The following CHCHD6 variants were observed in gnomAD, a reference collection of about 807,000 sequenced individuals.
CHCHD6 encodes the protein MICOS complex subunit MIC25.
CHCHD6 carries 28 observed loss-of-function variants against 32.3 expected under a neutral mutation model. That is an observed-to-expected ratio of 0.87 (90% CI 0.64 to 1.19). CHCHD6 has a LOEUF of 1.19. CHCHD6 is among the 50% of genes most tolerant of loss of function. The probability of loss-of-function intolerance (pLI) is 0.00; values close to 1 mark genes in which losing one functional copy is unlikely to be tolerated. For synonymous variants in CHCHD6, 122 were observed against 117.5 expected (o/e 1.04, Z -0.25); for missense variants, 333 against 307.0 (o/e 1.08, Z -0.63).
intron 1 of CHCHD6, among the ~76,000 whole-genome samples, chr3:126,715,351 T>C (rs1382548141): frequency 6.6e-6 from 1 of 152,190 alleles, no homozygotes; most frequent in Non-Finnish European, 1.5e-5. Flanking sequence ...TGCCCTTACC[T>C]GGAGCCTGGC....
intron 5 of CHCHD6, among the ~76,000 whole-genome samples, chr3:126,912,305 AGTT>A (rs1218464513): frequency 6.6e-6 from 1 of 152,044 alleles, no homozygotes; most frequent in Non-Finnish European, 1.5e-5. Context: ...GGAGGCCCAA[AGTT>A]GTTATGTCTC....
intron 6 of CHCHD6, among the ~76,000 whole-genome samples, chr3:126,950,803 ATGTGAAGGAGAGGG>A (rs919555517): frequency 1.6e-4 from 25 of 152,318 alleles, no homozygotes; most frequent in African/African-American, 6.0e-4. Context: ...AATGGCTATG[ATGTGAAGGAGAGGG>A]TGTTCAGAAG....
At chr3:126,777,407 T>C (rs1937702401) in intron 4 of CHCHD6, among the ~76,000 whole-genome samples, 1 of 152,214 alleles carries the variant, frequency 6.6e-6, no homozygotes, top group Non-Finnish European at 1.5e-5. Flanking sequence ...ACCAAATCAA[T>C]AGTTATTTCA....
At chr3:126,716,592 C>G (rs1935028378) in intron 1 of CHCHD6, among the ~76,000 whole-genome samples, 1 of 152,042 alleles carries the variant, frequency 6.6e-6, no homozygotes, top group African/African-American at 2.4e-5. Context: ...ACCCAGGCCT[C>G]TAATAAATAT....
chr3:126,915,189 C>A (rs1017351979), intron 6 of CHCHD6, among the ~76,000 whole-genome samples: 19 of 152,182 alleles, frequency 1.2e-4, no homozygotes, highest in African/African-American at 4.6e-4. Flanking sequence ...TGCAGTGCAC[C>A]CTGTGCGCAG....
chr3:126,712,371 C>T (rs1377363026), intron 1 of CHCHD6, among the ~76,000 whole-genome samples: 2 of 152,158 alleles, frequency 1.3e-5, no homozygotes, highest in Admixed American at 6.5e-5. Context: ...GCATATGATC[C>T]TCATATATGA....
In CHCHD6 at chr3:126,757,419, T is replaced by C. The variant is rs138056270; in HGVS notation, c.411+24197T>C. 7.4e-3 allele frequency among the ~76,000 whole-genome samples: 1,120 copies of C among 152,058 alleles called. 6 individuals carry two copies. The highest frequency in any genetic ancestry group is 0.012 in the Non-Finnish European group (789 of 67,984). ...TGAGGTGGTGGTGGGGCAGGGGGGC[T>C]CAAAAGGAAAAGGGAAAATATTGCT... On this transcript the variant is annotated intron_variant, in intron 4 of 7. Transcript: ENST00000290913.
At chr3:126,903,761 C>T (rs1196816842) in intron 5 of CHCHD6, among the ~76,000 whole-genome samples, 1 of 152,174 alleles carries the variant, frequency 6.6e-6, no homozygotes, top group African/African-American at 2.4e-5. Flanking sequence ...CTTGTCGATC[C>T]TGTTTACTCC....
intron 6 of CHCHD6, among the ~76,000 whole-genome samples, chr3:126,938,873 C>G (rs1347286249): frequency 6.6e-6 from 1 of 152,204 alleles, no homozygotes; most frequent in East Asian, 1.9e-4. Flanking sequence ...ATCTTCACCC[C>G]AAGCTCCCTG....
intron 5 of CHCHD6, among the ~76,000 whole-genome samples, chr3:126,863,443 T>A (rs1240433759): frequency 1.4e-4 from 15 of 110,246 alleles, no homozygotes; most frequent in Admixed American, 2.7e-4. Context: ...CACCATCACC[T>A]CCTCCTCCCC....
intron 6 of CHCHD6, among the ~76,000 whole-genome samples, chr3:126,923,356 T>A (rs541064443): frequency 5.3e-4 from 81 of 152,364 alleles, no homozygotes; most frequent in African/African-American, 1.8e-3. Flanking sequence ...CTGCTTACTG[T>A]TTGTCTTACC....
chr3:126,848,523 G>A (rs1421641030), intron 4 of CHCHD6, among the ~76,000 whole-genome samples: 6 of 152,192 alleles, frequency 3.9e-5, no homozygotes, highest in African/African-American at 1.4e-4. Context: ...ATCTGATGAT[G>A]TTAAAGAATT....
At chr3:126,805,578 C>T (rs1267167914) in intron 4 of CHCHD6, among the ~76,000 whole-genome samples, 1 of 152,100 alleles carries the variant, frequency 6.6e-6, no homozygotes, top group Non-Finnish European at 1.5e-5. Context: ...AAGAACATTC[C>T]ATGCTCATGG....
At chr3:126,709,600 A>G (rs1415417987) in intron 1 of CHCHD6, among the ~76,000 whole-genome samples, 1 of 152,214 alleles carries the variant, frequency 6.6e-6, no homozygotes, top group East Asian at 1.9e-4. Flanking sequence ...AAGCTGTACC[A>G]TTTGATATTT....
chr3:126,830,006 G>A (rs1167224299), intron 4 of CHCHD6, among the ~76,000 whole-genome samples: 2 of 152,170 alleles, frequency 1.3e-5, no homozygotes, highest in African/African-American at 2.4e-5. Flanking sequence ...GCTGAAACAG[G>A]AGAATTGCTT....
intron 4 of CHCHD6, among the ~76,000 whole-genome samples, chr3:126,796,989 CCT>C (rs1166813140): frequency 1.3e-5 from 2 of 152,176 alleles, no homozygotes; most frequent in African/African-American, 4.8e-5. Context: ...CTTTTCTACC[CCT>C]GTCTTTTGCC....
At chr3:126,712,255 G>A (rs1934783089) in intron 1 of CHCHD6, among the ~76,000 whole-genome samples, 1 of 152,206 alleles carries the variant, frequency 6.6e-6, no homozygotes, top group African/African-American at 2.4e-5. Context: ...ACTCTCAAGG[G>A]TTTAGTTGAA....
chr3:126,726,555 A>AAAAAAAATGTGTTATC (rs1935544686), intron 1 of CHCHD6, among the ~76,000 whole-genome samples: 2 of 152,226 alleles, frequency 1.3e-5, no homozygotes, highest in South Asian at 4.1e-4. Flanking sequence ...AACTTGTAAA[A>AAAAAAAATGTGTTATC]AAAAAAATGT....
chr3:126,718,138 G>T (rs1935109495), intron 1 of CHCHD6, among the ~76,000 whole-genome samples: 1 of 152,146 alleles, frequency 6.6e-6, no homozygotes, highest in South Asian at 2.1e-4. Context: ...TGTACAGTAT[G>T]GACAAGCTGA....
Sources: allele counts gnomAD v4.1 joint callset (sites outside exome capture counted in the v4.1 genomes callset), GRCh38; gene constraint gnomAD v4.1.1; transcripts MANE v1.5; gene names NCBI Gene and HGNC (gene_info 2026-07-23, HGNC 2026-07-21).